The following OSBPL1A variants were observed in gnomAD, a reference collection of about 807,000 sequenced individuals.
OSBPL1A encodes the protein oxysterol-binding protein-related protein 1.
In OSBPL1A, 80 loss-of-function variants were observed where a neutral mutation model predicts 137.1. The observed-to-expected ratio is 0.58, with a 90% CI of 0.49 to 0.70. The LOEUF (loss-of-function observed/expected upper bound fraction) is 0.70. OSBPL1A is among the 30% of genes least tolerant of loss of function. OSBPL1A has a pLI of 0.00. For synonymous variants in OSBPL1A, 365 were observed against 389.7 expected (o/e 0.94, Z 0.75); for missense variants, 970 against 1,129.4 (o/e 0.86, Z 2.02).
intron 18 of OSBPL1A, among the ~76,000 whole-genome samples, chr18:24,195,309 G>GTTTT (rs2086997329): frequency 5.3e-5 from 8 of 151,966 alleles, no homozygotes; most frequent in Admixed American, 1.3e-4. Context: ...AAAATGAAAA[G>GTTTT]AAATGAAATG....
At chr18:24,233,298 C>A (rs999259177) in intron 16 of OSBPL1A, among the ~76,000 whole-genome samples, 1 of 152,140 alleles carries the variant, frequency 6.6e-6, no homozygotes, top group Non-Finnish European at 1.5e-5. Context: ...TCCCTGGTAG[C>A]AGTATCCTAT....
intron 15 of OSBPL1A, among the ~76,000 whole-genome samples, chr18:24,273,782 A>C (rs991769426): frequency 1.3e-5 from 2 of 152,192 alleles, no homozygotes. Context: ...CAGCAGGGAC[A>C]CCTCACCTAG....
Position 24,195,490 on chromosome 18 carries a change from T to C in OSBPL1A, c.1677+635A>G, listed in dbSNP as rs538808581. ...AATTGCAAAATGTTAAAAGGTAATG[T>C]CCAGGCAGATTCTTTTGTGCCACAT... On this transcript the variant is annotated intron_variant, in intron 18 of 27. Coordinates refer to ENST00000319481, the MANE Select transcript of OSBPL1A (RefSeq NM_080597.4). Among the ~76,000 whole-genome samples the C allele has an allele frequency of 1.1e-3, 165 of 152,240 alleles. 1 individual carries two copies. The highest frequency in any genetic ancestry group is 2.9e-3 in the African/African-American group (122 of 41,550).
chr18:24,181,108 C>T (rs1026414177), intron 19 of OSBPL1A, 37 bp downstream of exon 19: 18 of 1,602,836 alleles, frequency 1.1e-5, no homozygotes, highest in Non-Finnish European at 1.4e-5. Context: ...GTAGCAAGGT[C>T]TCTAAGAGTT....
At chr18:24,200,633 C>T (rs2087192639) in intron 17 of OSBPL1A, among the ~76,000 whole-genome samples, 1 of 151,494 alleles carries the variant, frequency 6.6e-6, no homozygotes, top group East Asian at 1.9e-4. Flanking sequence ...GGCCCAAAAG[C>T]CACACGTGGC....
At chr18:24,345,756 C>T in intron 4 of OSBPL1A, among the ~76,000 whole-genome samples, 1 of 152,116 alleles carries the variant, frequency 6.6e-6, no homozygotes, top group Non-Finnish European at 1.5e-5. Flanking sequence ...GCATCCTCCT[C>T]AGAGAAGCCT....
intron 16 of OSBPL1A, among the ~76,000 whole-genome samples, chr18:24,232,951 G>A (rs999560545): frequency 8.5e-5 from 13 of 152,218 alleles, no homozygotes; most frequent in African/African-American, 2.4e-4. Context: ...CTACGCTATC[G>A]GATTTTATGC....
intron 20 of OSBPL1A, chr18:24,179,414 C>T (rs915418939): frequency 6.2e-5 from 18 of 291,118 alleles, no homozygotes; most frequent in African/African-American, 3.5e-4. Context: ...ACATTGTGCA[C>T]ATGTACCCTA....
chr18:24,187,010 C>T (rs1476304181), intron 18 of OSBPL1A, among the ~76,000 whole-genome samples: 1 of 150,940 alleles, frequency 6.6e-6, no homozygotes, highest in East Asian at 1.9e-4. Context: ...ACAATACACA[C>T]ATTTGCACTG....
chr18:24,327,136 C>G (rs1378977248), intron 7 of OSBPL1A, among the ~76,000 whole-genome samples: 1 of 135,562 alleles, frequency 7.4e-6, no homozygotes. Flanking sequence ...GAAACGGAGT[C>G]TTGCTCTGTC....
chr18:24,310,897 T>A (rs896879229), intron 13 of OSBPL1A, among the ~76,000 whole-genome samples: 1 of 152,212 alleles, frequency 6.6e-6, no homozygotes, highest in Non-Finnish European at 1.5e-5. Flanking sequence ...GCCATATGTA[T>A]TTAAATCTTC....
intron 14 of OSBPL1A, among the ~76,000 whole-genome samples, chr18:24,302,998 T>C (rs2090432163): frequency 6.9e-6 from 1 of 144,252 alleles, no homozygotes; most frequent in East Asian, 2.0e-4. Context: ...TGTGTGTGGG[T>C]GTGTCTGTGT....
At position 24,319,416 on chromosome 18, in the gene OSBPL1A, G is replaced by A. The variant is rs186496183; in HGVS notation, c.626-607C>T. The stretch of plus-strand genomic sequence containing the variant: ...CAAATTTGGGGTCCACTCTTTAGCC[G>A]ACCACAGCCACGCTTCAGCCGTCTC... On this transcript the variant is annotated intron_variant, in intron 7 of 27. Transcript: ENST00000319481. 1.5e-3 allele frequency among the ~76,000 whole-genome samples: 234 copies of A among 152,148 alleles called. 1 individual carries two copies. The highest frequency in any genetic ancestry group is 5.1e-3 in the African/African-American group (213 of 41,506).
At chr18:24,273,809 C>T (rs561625028) in intron 15 of OSBPL1A, among the ~76,000 whole-genome samples, 1 of 152,264 alleles carries the variant, frequency 6.6e-6, no homozygotes, top group East Asian at 1.9e-4. Context: ...AGGGTGGAGC[C>T]TGTATGAGGA....
chr18:24,308,788 C>T (rs1323939365), intron 13 of OSBPL1A, among the ~76,000 whole-genome samples: 2 of 149,748 alleles, frequency 1.3e-5, no homozygotes, highest in African/African-American at 4.9e-5. Context: ...TTTTTTGAGT[C>T]GTCTCACTCT....
chr18:24,206,227 T>A (rs1410034485), intron 17 of OSBPL1A, among the ~76,000 whole-genome samples: 2 of 152,176 alleles, frequency 1.3e-5, no homozygotes, highest in Non-Finnish European at 2.9e-5. Flanking sequence ...TGCCAGCCAA[T>A]GGCTGTCACC....
chr18:24,181,881 T>C (rs912376255), intron 18 of OSBPL1A, among the ~76,000 whole-genome samples: 2 of 152,056 alleles, frequency 1.3e-5, no homozygotes, highest in South Asian at 2.1e-4. Context: ...CTCAGTGGAG[T>C]GTGCTGCCTT....
intron 17 of OSBPL1A, among the ~76,000 whole-genome samples, chr18:24,206,318 T>C (rs921882117): frequency 1.3e-5 from 2 of 152,220 alleles, no homozygotes; most frequent in Non-Finnish European, 2.9e-5. Context: ...GTTAGGAGGC[T>C]GCAGAATGCT....
chr18:24,319,427 C>T (rs1483232885), intron 7 of OSBPL1A, among the ~76,000 whole-genome samples: 2 of 152,198 alleles, frequency 1.3e-5, no homozygotes, highest in Non-Finnish European at 2.9e-5. Flanking sequence ...ACCACAGCCA[C>T]GCTTCAGCCG....
Sources: gnomAD v4.1 joint callset for allele counts (sites outside exome capture counted in the v4.1 genomes callset) on GRCh38, gnomAD v4.1.1 for gene constraint, MANE v1.5 for transcripts, NCBI Gene and HGNC (gene_info 2026-07-23, HGNC 2026-07-21) for gene names.